TMEM266: variants seen among roughly 807,000 people sequenced by gnomAD.
TMEM266 encodes the protein transmembrane protein 266, also known as Hv1 related protein 1.
TMEM266 carries 33 observed loss-of-function variants against 50.5 expected under a neutral mutation model. The observed-to-expected ratio is 0.65, with a 90% CI of 0.50 to 0.87. The LOEUF is 0.87. Among genes scored for constraint, TMEM266 ranks in the 40% least tolerant of loss-of-function variants. TMEM266 has a pLI of 0.00. For synonymous variants in TMEM266, 310 were observed against 292.3 expected, an observed-to-expected ratio of 1.06 and a Z score of -0.62; for missense variants, 655 against 695.1, an observed-to-expected ratio of 0.94 and a Z score of 0.65.
intron 1 of TMEM266, among the ~76,000 whole-genome samples, chr15:76,125,198 A>G (rs571998877): frequency 5.3e-5 from 8 of 152,098 alleles, no homozygotes; most frequent in Admixed American, 2.0e-4. Context: ...CTAGAGGAAA[A>G]CATATGGTGA....
intron 1 of TMEM266, among the ~76,000 whole-genome samples, chr15:76,132,743 C>T (rs1424186844): frequency 6.6e-6 from 1 of 150,566 alleles, no homozygotes; most frequent in Non-Finnish European, 1.5e-5. Context: ...TGCAGTGAGC[C>T]AAAATTGCGC....
intron 1 of TMEM266, among the ~76,000 whole-genome samples, chr15:76,095,185 T>G (rs1185810161): frequency 6.6e-6 from 1 of 152,114 alleles, no homozygotes; most frequent in African/African-American, 2.4e-5. Context: ...CATCCTTGTC[T>G]TGTGCCAGTT....
intron 8 of TMEM266, 82 bp downstream of exon 8, chr15:76,175,756 G>A: frequency 1.7e-6 from 2 of 1,145,380 alleles, no homozygotes; most frequent in Non-Finnish European, 2.6e-6. Context: ...TGCTAGAGCT[G>A]CAGGGGCACC....
intron 1 of TMEM266, among the ~76,000 whole-genome samples, chr15:76,084,746 T>G (rs1474217251): frequency 2.7e-5 from 4 of 149,474 alleles, no homozygotes; most frequent in East Asian, 2.0e-4. Flanking sequence ...GACTACAGGC[T>G]CATGCCACCA....
chr15:76,091,975 G>GC (rs972541654), intron 1 of TMEM266, among the ~76,000 whole-genome samples: 31 of 151,794 alleles, frequency 2.0e-4, no homozygotes, highest in Non-Finnish European at 4.4e-5. Context: ...TGGCAACAGA[G>GC]CAAGACCCTG....
chr15:76,203,559 A>G (rs944385361), intron 10 of TMEM266, among the ~76,000 whole-genome samples, 182 bp from the exon 11 acceptor site: 2 of 152,196 alleles, frequency 1.3e-5, no homozygotes, highest in Admixed American at 6.5e-5. Flanking sequence ...ATACCCCTCA[A>G]AGCAGGGCAG....
chr15:76,148,736 CT>C (rs1309394230), intron 3 of TMEM266, among the ~76,000 whole-genome samples: 1 of 151,060 alleles, frequency 6.6e-6, no homozygotes, highest in Non-Finnish European at 1.5e-5. Flanking sequence ...CACCCCCCAC[CT>C]GAGCTCTTGC....
chr15:76,200,451 A>G (rs1366054663), intron 9 of TMEM266, among the ~76,000 whole-genome samples: 1 of 152,224 alleles, frequency 6.6e-6, no homozygotes, highest in Non-Finnish European at 1.5e-5. Flanking sequence ...ATGGCAGGCC[A>G]GTGGCAGCAC....
intron 9 of TMEM266, among the ~76,000 whole-genome samples, chr15:76,200,099 G>A (rs1482240084): frequency 6.6e-6 from 1 of 152,158 alleles, no homozygotes; most frequent in Non-Finnish European, 1.5e-5. Context: ...AGGGACTCCT[G>A]GGCTCAATAC....
chr15:76,180,607 CTTTTTTTTTTTTTT>C (rs59287886), intron 8 of TMEM266, among the ~76,000 whole-genome samples: 2 of 63,182 alleles, frequency 3.2e-5, no homozygotes, highest in African/African-American at 6.5e-5. Context: ...TCATCTTAAG[CTTTTTTTTTTTTTT>C]TTTTTTTTTT....
chr15:76,135,112 G>T (rs1037878662), intron 2 of TMEM266, among the ~76,000 whole-genome samples: 1 of 152,178 alleles, frequency 6.6e-6, no homozygotes, highest in Admixed American at 6.5e-5. Flanking sequence ...CTAACATCTC[G>T]TTGGCAAAAA....
At chr15:76,203,321 CAA>C (rs2038780291) in intron 10 of TMEM266, among the ~76,000 whole-genome samples, 1 of 152,192 alleles carries the variant, frequency 6.6e-6, no homozygotes, top group South Asian at 2.1e-4. Flanking sequence ...TTTAAACAAA[CAA>C]AGCCACAAAA....
At chr15:76,081,182 A>G (rs2036688796) in intron 1 of TMEM266, among the ~76,000 whole-genome samples, 1 of 152,206 alleles carries the variant, frequency 6.6e-6, no homozygotes, top group South Asian at 2.1e-4. Flanking sequence ...CCGAGTTCAA[A>G]AGGTCACAAG....
chr15:76,202,384 A>G, intron 10 of TMEM266, 120 bp downstream of exon 10: 1 of 860,574 alleles, frequency 1.2e-6, no homozygotes. Flanking sequence ...CCATAACTGC[A>G]GGCAGTGCTC....
intron 1 of TMEM266, among the ~76,000 whole-genome samples, chr15:76,097,876 T>C (rs2036945029): frequency 6.6e-6 from 1 of 152,058 alleles, no homozygotes; most frequent in African/African-American, 2.4e-5. Flanking sequence ...TGGTATCCTT[T>C]CTTCCACTTG....
intron 1 of TMEM266, among the ~76,000 whole-genome samples, chr15:76,087,410 G>C (rs950649923): frequency 1.3e-5 from 2 of 152,206 alleles, no homozygotes; most frequent in African/African-American, 4.8e-5. Flanking sequence ...CCCTTTGGTA[G>C]TATAGGTATA....
At chr15:76,103,118 G>C (rs1235853706) in intron 1 of TMEM266, among the ~76,000 whole-genome samples, 1 of 152,110 alleles carries the variant, frequency 6.6e-6, no homozygotes, top group Non-Finnish European at 1.5e-5. Context: ...GTTTGGACCA[G>C]GATGAGAGAG....
At chr15:76,069,020 A>C (rs2036490983) in intron 1 of TMEM266, among the ~76,000 whole-genome samples, 1 of 152,114 alleles carries the variant, frequency 6.6e-6, no homozygotes, top group African/African-American at 2.4e-5. Context: ...CATCTCTAGA[A>C]CCTACAGCAC....
Position 76,117,057 on chromosome 15 carries a change from G to A in TMEM266, c.-96-17111G>A, listed in dbSNP as rs148997163. Among the ~76,000 whole-genome samples the A allele has an allele frequency of 4.9e-3, 742 of 151,976 alleles. 4 individuals carry two copies. The highest frequency in any genetic ancestry group is 0.017 in the African/African-American group (713 of 41,424). On this transcript the variant is annotated intron_variant, in intron 1 of 10. Transcript: ENST00000388942. ...TGGGATTACAGGCATGTGCCACCAC[G>A]CCGGGCTAATTTTGTATTTTTAGCA... is the stretch of plus-strand genomic sequence containing the variant.
Sources: gnomAD v4.1 joint callset for allele counts (sites outside exome capture counted in the v4.1 genomes callset) on GRCh38, gnomAD v4.1.1 for gene constraint, MANE v1.5 for transcripts, NCBI Gene and HGNC (gene_info 2026-07-23, HGNC 2026-07-21) for gene names.